The following TMPRSS15 variants were observed in gnomAD, a reference collection of about 807,000 sequenced individuals.
The protein encoded by TMPRSS15 is enteropeptidase.
In TMPRSS15, 128 loss-of-function variants were observed where a neutral mutation model predicts 125.3. That is an observed-to-expected ratio of 1.02 (90% CI 0.89 to 1.18). TMPRSS15 has a LOEUF of 1.18. Among genes scored for constraint, TMPRSS15 ranks in the 50% most tolerant of loss-of-function variants. The pLI, the probability that TMPRSS15 is intolerant of heterozygous loss-of-function variation, is 0.00. For synonymous variants in TMPRSS15, 446 were observed against 423.2 expected, an observed-to-expected ratio of 1.05 and a Z score of -0.66; for missense variants, 1,283 against 1,212.7, an observed-to-expected ratio of 1.06 and a Z score of -0.86.
chr21:18,444,367 G>A (rs1247174000), intron 1 of TMPRSS15, among the ~76,000 whole-genome samples: 1 of 152,152 alleles, frequency 6.6e-6, no homozygotes, highest in Non-Finnish European at 1.5e-5. Context: ...ATCATTCTCT[G>A]CAAACTGTCA....
chr21:18,359,500 T>C (rs929721969), intron 8 of TMPRSS15, among the ~76,000 whole-genome samples: 21 of 152,026 alleles, frequency 1.4e-4, no homozygotes, highest in African/African-American at 5.1e-4. Flanking sequence ...TATATAATTA[T>C]AATCCTTTGA....
At chr21:18,317,783 CCA>C in intron 16 of TMPRSS15, among the ~76,000 whole-genome samples, 1 of 118,940 alleles carries the variant, frequency 8.4e-6, no homozygotes, top group Non-Finnish European at 1.8e-5. Context: ...CCATCCCATC[CCA>C]TCCCATCCCA....
chr21:18,458,550 C>A (rs1390665826), intron 1 of TMPRSS15, among the ~76,000 whole-genome samples: 1 of 152,082 alleles, frequency 6.6e-6, no homozygotes, highest in East Asian at 1.9e-4. Context: ...ACAAAGTGGT[C>A]GGACAAAGTG....
intron 1 of TMPRSS15, among the ~76,000 whole-genome samples, chr21:18,451,661 A>G (rs2123256689): frequency 6.6e-6 from 1 of 152,324 alleles, no homozygotes; most frequent in Non-Finnish European, 1.5e-5. Flanking sequence ...TATTTTGAGA[A>G]GAGCTTATGC....
At chr21:18,339,068 T>C (rs1269207443) in intron 13 of TMPRSS15, among the ~76,000 whole-genome samples, 1 of 152,186 alleles carries the variant, frequency 6.6e-6, no homozygotes, top group African/African-American at 2.4e-5. Flanking sequence ...CATATAATTA[T>C]ACATTGCTTC....
intron 3 of TMPRSS15, among the ~76,000 whole-genome samples, chr21:18,391,937 C>G (rs1569052478): frequency 6.6e-6 from 1 of 152,024 alleles, no homozygotes; most frequent in Non-Finnish European, 1.5e-5. Context: ...AGCTTGCACC[C>G]TCTTAAGCAA....
intron 1 of TMPRSS15, among the ~76,000 whole-genome samples, chr21:18,456,367 C>T (rs1002429188): frequency 2.7e-4 from 41 of 152,170 alleles, no homozygotes; most frequent in Non-Finnish European, 4.4e-4. Context: ...AATAATTACT[C>T]GCATAGGTTC....
At chr21:18,387,014 A>G (rs1026142053) in intron 3 of TMPRSS15, among the ~76,000 whole-genome samples, 1 of 152,228 alleles carries the variant, frequency 6.6e-6, no homozygotes, top group African/African-American at 2.4e-5. Flanking sequence ...TACATTTAAT[A>G]ATTTATACTT....
chr21:18,295,677 G>GGC (rs2074897384), intron 19 of TMPRSS15, among the ~76,000 whole-genome samples: 1 of 152,180 alleles, frequency 6.6e-6, no homozygotes, highest in Non-Finnish European at 1.5e-5. Flanking sequence ...AACACAGAAT[G>GGC]ATTTTAGTTG....
chr21:18,463,278 G>T (rs1338422968), intron 1 of TMPRSS15, among the ~76,000 whole-genome samples: 7 of 34,832 alleles, frequency 2.0e-4, no homozygotes, highest in Non-Finnish European at 4.3e-4. Flanking sequence ...AAAAAAAAAA[G>T]CCGGGGGTGG....
intron 3 of TMPRSS15, among the ~76,000 whole-genome samples, chr21:18,387,783 T>C (rs929982398): frequency 4.6e-5 from 7 of 152,062 alleles, no homozygotes; most frequent in African/African-American, 1.7e-4. Flanking sequence ...TACACATACA[T>C]GGTGTGAGTT....
intron 1 of TMPRSS15, among the ~76,000 whole-genome samples, chr21:18,439,623 G>A (rs993927804): frequency 5.3e-5 from 8 of 152,104 alleles, no homozygotes; most frequent in African/African-American, 1.9e-4. Context: ...ATGTGGGAGT[G>A]TTATCTCTTG....
At chr21:18,393,090 T>C (rs1421131696) in intron 3 of TMPRSS15, among the ~76,000 whole-genome samples, 1 of 152,132 alleles carries the variant, frequency 6.6e-6, no homozygotes, top group African/African-American at 2.4e-5. Context: ...GTGGCAGGAC[T>C]GAGGCAGAAC....
intron 19 of TMPRSS15, among the ~76,000 whole-genome samples, chr21:18,295,046 T>C (rs2074886525): frequency 6.6e-6 from 1 of 152,202 alleles, no homozygotes; most frequent in Non-Finnish European, 1.5e-5. Context: ...TGAACCGACA[T>C]TGGTTTTCAT....
At chr21:18,280,682 G>C (rs776905676) in intron 22 of TMPRSS15, among the ~76,000 whole-genome samples, 2 of 151,164 alleles carry the variant, frequency 1.3e-5, no homozygotes, top group African/African-American at 2.4e-5. Flanking sequence ...TCTTCTCTCA[G>C]TTTATGTCTT....
chr21:18,428,237 C>T (rs4816771), intron 1 of TMPRSS15, among the ~76,000 whole-genome samples: 148,055 of 152,314 alleles, frequency 0.97, 72,079 homozygotes, highest in Middle Eastern at 1. Context: ...GGAGTCCTTA[C>T]AGTAGTCAGG....
intron 1 of TMPRSS15, among the ~76,000 whole-genome samples, chr21:18,456,567 T>G (rs1238840344): frequency 3.3e-5 from 5 of 152,016 alleles, no homozygotes; most frequent in Admixed American, 2.0e-4. Context: ...GTAAGATACT[T>G]AAACCACTAA....
intron 1 of TMPRSS15, among the ~76,000 whole-genome samples, chr21:18,475,719 T>G (rs1211594137): frequency 1.3e-5 from 2 of 152,220 alleles, no homozygotes; most frequent in African/African-American, 4.8e-5. Context: ...TATAGGTTGT[T>G]TGGCTGAAAA....
At chr21:18,399,166 C>T (rs573505818) in intron 1 of TMPRSS15, among the ~76,000 whole-genome samples, 3 of 151,794 alleles carry the variant, frequency 2.0e-5, no homozygotes, top group African/African-American at 4.8e-5. Flanking sequence ...TAATCTGGTG[C>T]GAGAAGACGT....
Sources: gnomAD v4.1 joint callset for allele counts (sites outside exome capture counted in the v4.1 genomes callset) on GRCh38, gnomAD v4.1.1 for gene constraint, MANE v1.5 for transcripts, NCBI Gene and HGNC (gene_info 2026-07-23, HGNC 2026-07-21) for gene names.